Variants in RAG1 observed in about 807,000 individuals in gnomAD.
RAG1 encodes V(D)J recombination-activating protein 1.
RAG1 carries 35 observed loss-of-function variants against 62.7 expected under a neutral mutation model. The ratio of observed to expected loss-of-function variants is 0.56; its 90% CI spans 0.43 to 0.74. The LOEUF (loss-of-function observed/expected upper bound fraction) is 0.74, where lower values mean the gene tolerates loss of function less well. Among genes scored for constraint, RAG1 ranks in the 30% least tolerant of loss-of-function variants. RAG1 has a pLI of 0.00. For synonymous variants in RAG1, 461 were observed against 470.3 expected (o/e 0.98, Z 0.26); for missense variants, 1,169 against 1,278.6 (o/e 0.91, Z 1.31).
chr11:36,557,980 A>T (rs1418328938), intron 3 of RAG1, among the ~76,000 whole-genome samples: 1 of 152,182 alleles, frequency 6.6e-6, no homozygotes, highest in African/African-American at 2.4e-5. Flanking sequence ...CATTACTCCC[A>T]TGTAACACTT....
At chr11:36,561,081 C>T (rs1020346578) in intron 3 of RAG1, among the ~76,000 whole-genome samples, 4 of 152,198 alleles carry the variant, frequency 2.6e-5, no homozygotes, top group African/African-American at 9.7e-5. Context: ...TACTCAGGTA[C>T]TTATGGTGTT....
intron 2 of RAG1, among the ~76,000 whole-genome samples, chr11:36,531,476 G>C (rs566371256): frequency 9.2e-5 from 14 of 151,492 alleles, no homozygotes; most frequent in African/African-American, 3.4e-4. Flanking sequence ...ATGTCTTTTT[G>C]TATAGATTTT....
Position 36,573,602 on chromosome 11 carries a change from A to G in RAG1, c.298A>G (p.Lys100Glu). Residue 100 changes from lysine to glutamate, a missense_variant, in exon 2 of 2, where the codon AAA (lysine) becomes GAA (glutamate). Around this residue, in one of 2 missense-constraint regions of RAG1, gnomAD observed 369 missense variants for 335.3 expected, o/e 1.10. Transcript: ENST00000299440. Reference protein sequence around the residue: ...KFHDNEKARGKAIHQANLRHL... With the variant: ...KFHDNEKARGEAIHQANLRHL... Reference sequence around the variant, plus strand: ...TCACGACAACGAGAAAGCAAGAGGCAAAGCGATCCATCAAGCCAACCTTCG... The same window carrying G: ...TCACGACAACGAGAAAGCAAGAGGCGAAGCGATCCATCAAGCCAACCTTCG... 2 of 1,614,222 alleles carry G rather than the reference A, an allele frequency of 1.2e-6. No homozygotes were observed. The highest frequency in any genetic ancestry group is 1.7e-6 in the Non-Finnish European group (2 of 1,180,046).
At chr11:36,528,111 A>G (rs1050338918) in intron 2 of RAG1, among the ~76,000 whole-genome samples, 1 of 152,126 alleles carries the variant, frequency 6.6e-6, no homozygotes, top group African/African-American at 2.4e-5. Context: ...AATGATATTC[A>G]GGACTTGAAC....
At chr11:36,526,772 G>T (rs970840217) in intron 2 of RAG1, among the ~76,000 whole-genome samples, 16 of 152,060 alleles carry the variant, frequency 1.1e-4, no homozygotes, top group Admixed American at 6.6e-4. Flanking sequence ...ATGATTGCCA[G>T]TCTAACTGGT....
chr11:36,546,656 A>G (rs1310984531), intron 3 of RAG1, among the ~76,000 whole-genome samples: 4 of 152,140 alleles, frequency 2.6e-5, no homozygotes, highest in Non-Finnish European at 4.4e-5. Context: ...TTGTTGATGC[A>G]GTTTCTTCAT....
At chr11:36,521,599 C>A (rs577721373) in intron 2 of RAG1, among the ~76,000 whole-genome samples, 1 of 152,218 alleles carries the variant, frequency 6.6e-6, no homozygotes, top group South Asian at 2.1e-4. Context: ...TTGGTACCAG[C>A]AGAGTGGGTG....
At chr11:36,524,433 A>C (rs1860127594) in intron 2 of RAG1, among the ~76,000 whole-genome samples, 1 of 151,458 alleles carries the variant, frequency 6.6e-6, no homozygotes. Flanking sequence ...TAAGTGATTT[A>C]GCTTTATTTT....
At chr11:36,528,853 A>G (rs1186726570) in intron 2 of RAG1, among the ~76,000 whole-genome samples, 1 of 152,220 alleles carries the variant, frequency 6.6e-6, no homozygotes, top group Non-Finnish European at 1.5e-5. Context: ...GCCATCAGAG[A>G]ATACTATAAC....
At chr11:36,557,900 T>G (rs1345283111) in intron 3 of RAG1, among the ~76,000 whole-genome samples, 2 of 152,222 alleles carry the variant, frequency 1.3e-5, no homozygotes, top group African/African-American at 4.8e-5. Context: ...CTTTATAGTA[T>G]ATTGATCTTA....
At chr11:36,532,402 G>A (rs7117947) in intron 2 of RAG1, among the ~76,000 whole-genome samples, 25,130 of 151,950 alleles carry the variant, frequency 0.17, 2,353 homozygotes, top group African/African-American at 0.26. Context: ...TACCACATTA[G>A]TATATGATAT....
chr11:36,565,849 GA>G (rs1354596385), upstream of RAG1: 1 of 152,214 alleles, frequency 6.6e-6, no homozygotes, highest in Non-Finnish European at 1.5e-5. Context: ...GAGAAATTGG[GA>G]GGTGAAATTG....
upstream of RAG1, chr11:36,563,484 T>C (rs1590693735): frequency 6.6e-6 from 1 of 152,224 alleles, no homozygotes; most frequent in Non-Finnish European, 1.5e-5. Flanking sequence ...GTGGGACTTC[T>C]TGACCTCCAT....
rs757859144 is a variant in RAG1 at position 36,575,437 on chromosome 11, T to C, written c.2133T>C (p.Asp711=). ...FKFIFRGTGY[D]EKLVREVEGL... is the part of the protein sequence containing the mutation. ...TCATCTTCAGGGGCACCGGCTATGA[T>C]GAAAAACTTGTGCGGGAAGTGGAAG... The change falls in exon 2 of 2, where the codon GAT becomes GAC. Residue 711 remains aspartate (D), a synonymous_variant. Coordinates refer to ENST00000299440, the MANE Select transcript of RAG1 (RefSeq NM_000448.3). This position sits in a 1 kb window ranked among gnomAD's most constrained non-coding sequence, Gnocchi z 4.1. 3 of 1,614,008 alleles carry C rather than the reference T, an allele frequency of 1.9e-6. No homozygotes were observed. The highest frequency in any genetic ancestry group is 1.3e-5 in the African/African-American group (1 of 74,912).
At position 36,543,068 on chromosome 11, in the gene RAG1, C is replaced by T. The variant is rs187493417; in HGVS notation, c.-412+7034C>T. ...AACGAGTCACTACTGAATCTTCTTCCCCCATCTCCTTCTTCCTTGGTGACT... is the reference window on the plus strand; with the variant it reads ...AACGAGTCACTACTGAATCTTCTTCTCCCATCTCCTTCTTCCTTGGTGACT... On this transcript the variant is annotated intron_variant and NMD_transcript_variant, in intron 3 of 9. Coordinates refer to the RAG1 transcript ENST00000534663. Among the ~76,000 whole-genome samples the T allele has an allele frequency of 3.3e-3, 495 of 152,248 alleles. 6 individuals are homozygous for T. Among genetic ancestry groups the T allele is most frequent in the African/African-American group, 0.011 (468 of 41,538 alleles).
At chr11:36,539,650 A>ATAAGGG (rs1564979769), downstream of RAG1, among the ~76,000 whole-genome samples, 1 of 152,062 alleles carries the variant, frequency 6.6e-6, no homozygotes, top group Non-Finnish European at 1.5e-5. Context: ...ACGCCTGGCG[A>ATAAGGG]TATTTTTAGT....
intron 2 of RAG1, among the ~76,000 whole-genome samples, chr11:36,527,544 T>C (rs1860183326): frequency 6.6e-6 from 1 of 152,204 alleles, no homozygotes; most frequent in Non-Finnish European, 1.5e-5. Flanking sequence ...TTCTTTTTGC[T>C]GAGGATTCTA....
chr11:36,578,783 CCTAGTTTTAT>C lies in RAG1; in HGVS notation c.*2348_*2357del, dbSNP rs1223251750. 6.0e-6 allele frequency: 1 copy of C among 166,996 alleles called. No homozygotes were observed. Among genetic ancestry groups the C allele is most frequent in the Non-Finnish European group, 1.5e-5 (1 of 68,106 alleles). 10.3% of individuals were successfully genotyped at this position (166,996 alleles called of 1,614,324 possible). On this transcript the variant is annotated 3_prime_UTR_variant, in exon 2 of 2. Coordinates refer to ENST00000299440, the MANE Select transcript of RAG1 (RefSeq NM_000448.3). ...CTGTTGAGACTGCAATATCCTAGAC[CCTAGTTTTAT>C]ACTAGAGTTTTATTTTTAGCAATGC...
intron 2 of RAG1, among the ~76,000 whole-genome samples, chr11:36,529,661 A>T (rs529667260): frequency 6.6e-6 from 1 of 152,320 alleles, no homozygotes; most frequent in South Asian, 2.1e-4. Context: ...TGGCAAGAGA[A>T]AGAAATAAAG....
Sources: allele counts gnomAD v4.1 joint callset (sites outside exome capture counted in the v4.1 genomes callset), GRCh38; gene constraint gnomAD v4.1.1; regional missense constraint gnomAD v4.1.1; non-coding constraint Gnocchi (gnomAD v3.1); transcripts MANE v1.5; gene names NCBI Gene and HGNC (gene_info 2026-07-23, HGNC 2026-07-21).